PARPBP: variants seen among roughly 807,000 people sequenced by gnomAD.
PARPBP encodes the protein PCNA-interacting partner.
PARPBP carries 52 observed loss-of-function variants against 50.0 expected under a neutral mutation model. That is an observed-to-expected ratio of 1.04 (90% CI 0.83 to 1.31). The LOEUF (loss-of-function observed/expected upper bound fraction) is 1.31, where lower values mean the gene tolerates loss of function less well. Among genes scored for constraint, PARPBP ranks in the 50% most tolerant of loss-of-function variants. PARPBP has a pLI of 0.00. For synonymous variants in PARPBP, 244 were observed against 232.1 expected, an observed-to-expected ratio of 1.05 and a Z score of -0.47; for missense variants, 697 against 672.0, an observed-to-expected ratio of 1.04 and a Z score of -0.41.
intron 2 of PARPBP, among the ~76,000 whole-genome samples, chr12:102,130,066 T>C (rs1385684032): frequency 6.6e-6 from 1 of 152,120 alleles, no homozygotes; most frequent in Non-Finnish European, 1.5e-5. Flanking sequence ...TGGAACAGAA[T>C]ACAGAGCCCA....
chr12:102,166,523 C>T (rs985228770), intron 6 of PARPBP, among the ~76,000 whole-genome samples: 1 of 152,066 alleles, frequency 6.6e-6, no homozygotes, highest in African/African-American at 2.4e-5. Flanking sequence ...ATTTATTGAA[C>T]ACTTGTTACA....
chr12:102,195,166 A>G, intron 9 of PARPBP, 146 bp from the exon 10 acceptor site: 1 of 447,242 alleles, frequency 2.2e-6, no homozygotes, highest in Non-Finnish European at 3.9e-6. Flanking sequence ...ATGAAATATA[A>G]AAGGTTAGAG....
intron 9 of PARPBP, among the ~76,000 whole-genome samples, chr12:102,190,238 C>T (rs1158662968): frequency 6.6e-6 from 1 of 152,134 alleles, no homozygotes; most frequent in Non-Finnish European, 1.5e-5. Context: ...TGTTCCCTCA[C>T]AGCTCTGCTT....
chr12:102,187,647 A>G (rs1312189132), intron 9 of PARPBP, among the ~76,000 whole-genome samples: 1 of 152,122 alleles, frequency 6.6e-6, no homozygotes, highest in African/African-American at 2.4e-5. Context: ...TTGAGCTTCT[A>G]CCTCTACTGT....
intron 4 of PARPBP, among the ~76,000 whole-genome samples, chr12:102,157,829 G>A (rs1311774574): frequency 6.7e-6 from 1 of 149,912 alleles, no homozygotes; most frequent in Admixed American, 6.6e-5. Flanking sequence ...CTATAGAATA[G>A]TGAGCTTCTG....
chr12:102,154,446 C>T (rs188832291), intron 4 of PARPBP, among the ~76,000 whole-genome samples: 22 of 152,194 alleles, frequency 1.4e-4, no homozygotes, highest in African/African-American at 5.3e-4. Flanking sequence ...ATATAATTTA[C>T]GTTCAGCTGA....
chr12:102,196,221 G>A lies in PARPBP; in HGVS notation c.1670G>A (p.Ser557Asn). 3 of 1,610,688 alleles carry A rather than the reference G, an allele frequency of 1.9e-6. No individual in the cohort carries two copies. The highest frequency in any genetic ancestry group is 1.1e-5 in the South Asian group (1 of 90,494). ...LYGKLAKVAK[S>N]NKCTAKDKLI... ...GGCAAACTAGCTAAAGTAGCAAAAA[G>A]TAATAAATGTACTGCCAAGGACAAG... Residue 557 changes from serine (S) to asparagine (N), a missense_variant, in exon 11 of 11, where the codon AGT becomes AAT. By Grantham distance (46) the Ser-to-Asn change is conservative. Transcript: ENST00000327680.
intron 4 of PARPBP, among the ~76,000 whole-genome samples, chr12:102,156,667 G>T (rs1257928502): frequency 6.6e-6 from 1 of 151,868 alleles, no homozygotes; most frequent in Non-Finnish European, 1.5e-5. Context: ...TGAGGCAGAG[G>T]CTTACTGTGT....
At chr12:102,178,475 T>C (rs1374895632) in intron 7 of PARPBP, 117 bp from the exon 8 acceptor site, 2 of 540,432 alleles carry the variant, frequency 3.7e-6, no homozygotes, top group East Asian at 3.2e-5. Context: ...TTATAGCTGA[T>C]GTTTTATTAC....
chr12:102,176,460 T>C (rs548875268), intron 7 of PARPBP, among the ~76,000 whole-genome samples: 16 of 152,310 alleles, frequency 1.1e-4, no homozygotes, highest in Admixed American at 8.5e-4. Flanking sequence ...GTTTTCTACC[T>C]CCATTACTAA....
intron 9 of PARPBP, among the ~76,000 whole-genome samples, chr12:102,184,080 A>AAG (rs1890092310): frequency 6.7e-6 from 1 of 149,468 alleles, no homozygotes; most frequent in Non-Finnish European, 1.5e-5. Flanking sequence ...AGAATGTAAG[A>AAG]CATGACATAA....
chr12:102,179,636 C>T (rs987365062), intron 8 of PARPBP, among the ~76,000 whole-genome samples: 12 of 152,274 alleles, frequency 7.9e-5, no homozygotes, highest in Middle Eastern at 3.4e-3. Context: ...ATTTGGATCC[C>T]ACCCATGTGA....
chr12:102,171,165 T>G (rs974645809), intron 6 of PARPBP, among the ~76,000 whole-genome samples: 9 of 151,494 alleles, frequency 5.9e-5, no homozygotes, highest in African/African-American at 2.2e-4. Flanking sequence ...TTTTTTTAAA[T>G]AAGTAGAAGG....
intron 2 of PARPBP, among the ~76,000 whole-genome samples, chr12:102,131,060 C>G (rs762150352): frequency 3.3e-5 from 5 of 152,068 alleles, no homozygotes; most frequent in Non-Finnish European, 7.4e-5. Context: ...AACAGTGGCT[C>G]ACGCCTATAA....
At chr12:102,193,621 A>G (rs1891004415) in intron 9 of PARPBP, among the ~76,000 whole-genome samples, 1 of 152,120 alleles carries the variant, frequency 6.6e-6, no homozygotes, top group Non-Finnish European at 1.5e-5. Flanking sequence ...GGTTTTGCAG[A>G]TGGAAATAAA....
chr12:102,174,592 C>T (rs959567461), intron 6 of PARPBP, among the ~76,000 whole-genome samples: 1 of 152,192 alleles, frequency 6.6e-6, no homozygotes, highest in Non-Finnish European at 1.5e-5. Flanking sequence ...GGTCTGTAGT[C>T]AGACCACACC....
intron 1 of PARPBP, 35 bp downstream of exon 1, chr12:102,120,321 AT>A: frequency 2.7e-6 from 1 of 369,720 alleles, no homozygotes; most frequent in Non-Finnish European, 5.5e-6. Flanking sequence ...GCCCTGTCGC[AT>A]TTTTAAGTGG....
chr12:102,164,125 T>C (rs1887879705), intron 4 of PARPBP, among the ~76,000 whole-genome samples: 2 of 152,216 alleles, frequency 1.3e-5, no homozygotes, highest in Admixed American at 1.3e-4. Flanking sequence ...AATTCCAACT[T>C]AATACTCTGT....
chr12:102,164,000 T>C (rs1887866894), intron 4 of PARPBP, among the ~76,000 whole-genome samples: 1 of 152,184 alleles, frequency 6.6e-6, no homozygotes, highest in Non-Finnish European at 1.5e-5. Flanking sequence ...CTTTGTTTAT[T>C]GATTTTTGGA....
Sources: gnomAD v4.1 joint callset for allele counts (sites outside exome capture counted in the v4.1 genomes callset) on GRCh38, gnomAD v4.1.1 for gene constraint, MANE v1.5 for transcripts, NCBI Gene and HGNC (gene_info 2026-07-23, HGNC 2026-07-21) for gene names.